The following PITRM1 variants were observed in gnomAD, a reference collection of about 807,000 sequenced individuals.
The protein encoded by PITRM1 is pitrilysin metallopeptidase 1.
A neutral mutation model predicts 129.9 loss-of-function variants in PITRM1; 100 were observed. The ratio of observed to expected loss-of-function variants is 0.77; its 90% confidence interval spans 0.65 to 0.91. The LOEUF is 0.91. Among genes scored for constraint, PITRM1 ranks in the 40% least tolerant of loss-of-function variants. The pLI is 0.00. For synonymous variants in PITRM1, 591 were observed against 508.8 expected (o/e 1.16, Z -2.17); for missense variants, 1,471 against 1,318.3 (o/e 1.12, Z -1.79).
At chr10:3,152,986 C>T (rs1033050032) in intron 14 of PITRM1, among the ~76,000 whole-genome samples, 2 of 152,256 alleles carry the variant, frequency 1.3e-5, no homozygotes, top group Non-Finnish European at 2.9e-5. Context: ...GACCAGAAAT[C>T]GGAAGATTCA....
chr10:3,148,470 A>G (rs541331110), intron 16 of PITRM1, 179 bp from the exon 17 acceptor site: 2 of 675,640 alleles, frequency 3.0e-6, no homozygotes, highest in East Asian at 2.8e-5. Context: ...TCGAGAGTTC[A>G]TGTGCCCCCT....
chr10:3,144,043 A>C, intron 22 of PITRM1: 1 of 576,570 alleles, frequency 1.7e-6, no homozygotes, highest in Non-Finnish European at 3.1e-6. Context: ...GGGCACAGGG[A>C]AGACGCACCC....
At chr10:3,138,580 G>A in intron 25 of PITRM1, 2 of 603,320 alleles carry the variant, frequency 3.3e-6, no homozygotes, top group Non-Finnish European at 5.9e-6. Flanking sequence ...TGAGGCTGAT[G>A]ATGCTGTGAG....
Position 3,163,834 on chromosome 10 carries a change from C to A in PITRM1, c.682G>T (p.Asp228Tyr). The A allele has an allele frequency of 6.2e-7, 1 of 1,612,352 alleles. No individual in the cohort carries two copies. Among genetic ancestry groups the A allele is most frequent in the South Asian group, 1.1e-5 (1 of 90,782 alleles). The change falls in exon 7 of 27, where the codon GAC (aspartate) becomes TAC (tyrosine). Residue 228 changes from aspartate to tyrosine, a missense_variant. Asp to Tyr is a radical substitution (Grantham distance 160). Coordinates refer to ENST00000224949, the MANE Select transcript of PITRM1 (RefSeq NM_014889.4). The part of the protein sequence containing the change: ...SQHLQNRLLP[D>Y]HTYSVVSGGD... Reference sequence around the variant, plus strand: ...CCGGAGACCACTGAGTACGTGTGGTCAGGAAGAAGTCTGTTCTGAAGGTGC... The same window carrying A: ...CCGGAGACCACTGAGTACGTGTGGTAAGGAAGAAGTCTGTTCTGAAGGTGC...
intron 23 of PITRM1, chr10:3,141,378 T>A (rs1411305515): frequency 9.8e-6 from 2 of 204,414 alleles, no homozygotes; most frequent in South Asian, 7.1e-5. Flanking sequence ...GTGGCATTTT[T>A]AAAATCTCGT....
chr10:3,152,866 G>A (rs1841642539), intron 14 of PITRM1, among the ~76,000 whole-genome samples: 2 of 152,238 alleles, frequency 1.3e-5, no homozygotes, highest in Admixed American at 1.3e-4. Context: ...CTCACTCACA[G>A]TTGGTAGAAA....
At chr10:3,143,665 C>G in intron 22 of PITRM1, 164 bp from the exon 23 acceptor site, 1 of 713,626 alleles carries the variant, frequency 1.4e-6, no homozygotes, top group Non-Finnish European at 2.6e-6. Context: ...CACTCTGCAG[C>G]CAGGTGCTGG....
rs761170823 is a variant in PITRM1 at position 3,145,599 on chromosome 10, G to A, written c.2454C>T (p.Val818=). 18 of 1,549,576 alleles carry A rather than the reference G, an allele frequency of 1.2e-5. No homozygotes were observed. Among genetic ancestry groups the A allele is most frequent in the East Asian group, 7.3e-5 (3 of 40,936 alleles). The part of the protein sequence containing the change: ...KERRPVRPHT[V]EKPVPSSSGG... ...CGCCAGCACCACCAGTGCATACCTC[G>A]ACCGTGTGTGGGCGCACAGGCCTCC... Residue 818 remains valine, a synonymous_variant, in exon 21 of 27, where the codon GTC becomes GTT. Coordinates refer to ENST00000224949, the MANE Select transcript of PITRM1 (RefSeq NM_014889.4).
chr10:3,146,044 AAACACTGAC>A (rs1336492423), intron 20 of PITRM1: 1 of 254,186 alleles, frequency 3.9e-6, no homozygotes, highest in Non-Finnish European at 7.7e-6. Context: ...TACACTATCA[AAACACTGAC>A]AACTTTTAAA....
chr10:3,160,316 C>T lies in PITRM1; in HGVS notation c.806G>A (p.Gly269Asp), dbSNP rs1842340928. The part of the protein sequence containing the change: ...HPSNARFFTY[G>D]NFPLEQHLKQ... Reference sequence around the variant, plus strand: ...CAGATGCTGTTCTAATGGAAAATTACCGTACGTGAAGAACCTAAAATTTTA... The same window carrying T: ...CAGATGCTGTTCTAATGGAAAATTATCGTACGTGAAGAACCTAAAATTTTA... Residue 269 changes from glycine to aspartate, a missense_variant, in exon 8 of 27, where the codon GGT becomes GAT. By Grantham distance (94) the Gly-to-Asp change is moderately conservative. Coordinates refer to ENST00000224949, the MANE Select transcript of PITRM1 (RefSeq NM_014889.4). 1 of 1,611,930 alleles carries T rather than the reference C, an allele frequency of 6.2e-7. No homozygotes were observed. The highest frequency in any genetic ancestry group is 1.1e-5 in the South Asian group (1 of 91,034).
rs531370735 is a variant in PITRM1, at chr10:3,151,400, A to T, written c.1622-37T>A. 75 of 1,243,108 alleles carry T rather than the reference A, an allele frequency of 6.0e-5. No homozygotes were observed. In the South Asian group the frequency reaches 9.3e-4, roughly 15 times the overall value. The allele number at this position is 1,243,108 out of a possible 1,614,324, so 77.0% of individuals were successfully genotyped here. Reference sequence around the variant, plus strand: ...ACAAGAAAAAGGAATATTCAGGGCCATAATTAAAAGGTTTGATGCAACTTG... The same window carrying T: ...ACAAGAAAAAGGAATATTCAGGGCCTTAATTAAAAGGTTTGATGCAACTTG... On this transcript the variant is annotated intron_variant, in intron 14 of 26. Coordinates refer to ENST00000224949, the MANE Select transcript of PITRM1 (RefSeq NM_014889.4).
chr10:3,147,963 G>A, intron 18 of PITRM1, 24 bp downstream of exon 18: 1 of 1,556,376 alleles, frequency 6.4e-7, no homozygotes, highest in Middle Eastern at 1.7e-4. Context: ...CCCAAGAATG[G>A]ACAACTCTTG....
chr10:3,144,673 T>C (rs1840661258), intron 21 of PITRM1, among the ~76,000 whole-genome samples: 2 of 152,004 alleles, frequency 1.3e-5, no homozygotes, highest in African/African-American at 2.4e-5. Context: ...GGCATGGTGG[T>C]GCACACCTGT....
chr10:3,149,856 G>A (rs1225338085), intron 15 of PITRM1, 103 bp from the exon 16 acceptor site: 3 of 1,216,910 alleles, frequency 2.5e-6, no homozygotes, highest in Admixed American at 1.8e-5. Flanking sequence ...AAGAATGGAG[G>A]TTTAAGACTT....
At chr10:3,150,606 C>T (rs917119877) in intron 15 of PITRM1, among the ~76,000 whole-genome samples, 2 of 152,174 alleles carry the variant, frequency 1.3e-5, no homozygotes, top group African/African-American at 4.8e-5. Context: ...AGCATCAACA[C>T]TGTCGCAGGT....
intron 14 of PITRM1, among the ~76,000 whole-genome samples, chr10:3,152,650 T>C (rs1052803068): frequency 6.6e-6 from 1 of 152,244 alleles, no homozygotes; most frequent in African/African-American, 2.4e-5. Flanking sequence ...ACCTGGGCTC[T>C]GCAGGCTTCC....
intron 7 of PITRM1, among the ~76,000 whole-genome samples, chr10:3,161,684 T>TG (rs979490310): frequency 3.2e-5 from 3 of 94,936 alleles, no homozygotes; most frequent in South Asian, 6.5e-4. Flanking sequence ...GAGGTGGGGG[T>TG]GGGGGCGTAG....
chr10:3,166,978 C>G lies in PITRM1; in HGVS notation c.224G>C (p.Arg75Thr), dbSNP rs542123766. Residue 75 changes from arginine (R) to threonine (T), a missense_variant, in exon 3 of 27, where the codon AGG (arginine) becomes ACG (threonine). Physicochemically the swap from Arg to Thr is moderately conservative, Grantham distance 71 (BLOSUM62 -1). Transcript: ENST00000224949. ...VKLTHDDTGA[R>T]YLHLAREDTN... Reference sequence around the variant, plus strand: ...GTCTTCTCTGGCCAGGTGTAAATACCTGGCTCCTGTGTCATCATGGGTGAG... The same window carrying G: ...GTCTTCTCTGGCCAGGTGTAAATACGTGGCTCCTGTGTCATCATGGGTGAG... 1.9e-6 allele frequency: 3 copies of G among 1,611,546 alleles called. No individual in the cohort carries two copies. Among genetic ancestry groups the G allele is most frequent in the Non-Finnish European group, 2.5e-6 (3 of 1,178,776 alleles).
intron 24 of PITRM1, among the ~76,000 whole-genome samples, chr10:3,139,281 C>T (rs1839943535): frequency 6.6e-6 from 1 of 152,210 alleles, no homozygotes; most frequent in African/African-American, 2.4e-5. Context: ...TCTGTCTGCA[C>T]AAAGTCCTCC....
Sources: allele counts gnomAD v4.1 joint callset (sites outside exome capture counted in the v4.1 genomes callset), GRCh38; gene constraint gnomAD v4.1.1; transcripts MANE v1.5; gene names NCBI Gene and HGNC (gene_info 2026-07-23, HGNC 2026-07-21).